The following GREM2 variants were observed in gnomAD, a reference collection of about 807,000 sequenced individuals.
GREM2 encodes the protein gremlin-2.
In GREM2, 11 loss-of-function variants were observed where a neutral mutation model predicts 14.2. The observed-to-expected ratio is 0.78, with a 90% CI of 0.49 to 1.28. The LOEUF (loss-of-function observed/expected upper bound fraction) is 1.28. Ranked by LOEUF, GREM2 falls within the 50% of genes most tolerant of loss-of-function variation. GREM2 has a pLI of 0.00. For missense variants in GREM2, 210 were observed against 218.5 expected (o/e 0.96, Z 0.24); for synonymous variants, 98 against 97.6 (o/e 1.00, Z -0.02).
chr1:240,493,083 G>C lies in GREM2; in HGVS notation c.393C>G (p.Val131=), dbSNP rs1677301876. ...GGCCGGGGCACTCGAGCTCCACGAG[G>C]ACGGAGGTGACGCGCTGGGGCTTGC... ...AFCKPQRVTS[V]LVELECPGLD... Residue 131 remains valine, a synonymous_variant, in exon 2 of 2, where the codon GTC becomes GTG. Transcript: ENST00000318160. 1 of 1,613,834 alleles carries C rather than the reference G, an allele frequency of 6.2e-7. No homozygotes were observed. Among genetic ancestry groups the C allele is most frequent in the Non-Finnish European group, 8.5e-7 (1 of 1,179,726 alleles).
intron 1 of GREM2, among the ~76,000 whole-genome samples, chr1:240,529,189 A>T (rs1323183513): frequency 6.6e-6 from 1 of 151,668 alleles, no homozygotes; most frequent in Non-Finnish European, 1.5e-5. Context: ...TGATGTCATT[A>T]AAATCCATCT....
chr1:240,593,001 C>T (rs932889436), intron 1 of GREM2, among the ~76,000 whole-genome samples: 5 of 150,810 alleles, frequency 3.3e-5, no homozygotes, highest in South Asian at 2.1e-4. Flanking sequence ...AAAAATTAGC[C>T]GGCATGGTAG....
intron 1 of GREM2, among the ~76,000 whole-genome samples, chr1:240,500,475 T>G (rs1374846858): frequency 6.6e-6 from 1 of 151,968 alleles, no homozygotes. Flanking sequence ...ATTTTTTTTT[T>G]TGTATTTTTA....
chr1:240,580,714 A>G (rs751474053), intron 1 of GREM2, among the ~76,000 whole-genome samples: 3 of 152,154 alleles, frequency 2.0e-5, no homozygotes, highest in Non-Finnish European at 4.4e-5. Flanking sequence ...AGCCAAGACT[A>G]CAGGTGGGCC....
intron 1 of GREM2, among the ~76,000 whole-genome samples, chr1:240,541,884 AG>A (rs1678597534): frequency 6.6e-6 from 1 of 152,206 alleles, no homozygotes; most frequent in Non-Finnish European, 1.5e-5. Context: ...CAGAGAATCC[AG>A]AATGGCAGTG....
At chr1:240,514,852 TCTC>T in intron 1 of GREM2, among the ~76,000 whole-genome samples, 1 of 152,090 alleles carries the variant, frequency 6.6e-6, no homozygotes, top group Non-Finnish European at 1.5e-5. Context: ...ATGAGCTCAA[TCTC>T]CTCTGCACTC....
chr1:240,574,535 GT>G (rs1679322567), intron 1 of GREM2, among the ~76,000 whole-genome samples: 1 of 152,132 alleles, frequency 6.6e-6, no homozygotes, highest in Non-Finnish European at 1.5e-5. Flanking sequence ...AAGGAGAAAT[GT>G]TTGCAGAAAA....
rs373843795 is a variant in GREM2, at chr1:240,503,269, G to A, written c.-1-9793C>T. 5.3e-5 allele frequency among the ~76,000 whole-genome samples: 8 copies of A among 152,214 alleles called. No homozygotes were observed. In the East Asian group the frequency reaches 7.7e-4, roughly 15 times the overall value. On this transcript the variant is annotated intron_variant, in intron 1 of 1. Transcript: ENST00000318160. ...GGAGAGTATCCCAGTTTATCTTCCC[G>A]TATATTAAGTCCATCAACAAGACCT...
chr1:240,529,128 T>C (rs1572384102), intron 1 of GREM2, among the ~76,000 whole-genome samples: 1 of 152,028 alleles, frequency 6.6e-6, no homozygotes, highest in South Asian at 2.1e-4. Context: ...CAGGATTTCC[T>C]GGTGAGGCTG....
chr1:240,506,862 A>G (rs1677685713), intron 1 of GREM2, among the ~76,000 whole-genome samples: 1 of 152,172 alleles, frequency 6.6e-6, no homozygotes, highest in Non-Finnish European at 1.5e-5. Context: ...GTAAGCCATG[A>G]AAGACAATGT....
chr1:240,579,740 C>A, intron 1 of GREM2, among the ~76,000 whole-genome samples: 1 of 152,296 alleles, frequency 6.6e-6, no homozygotes, highest in South Asian at 2.1e-4. Context: ...TTCATCAGAG[C>A]TTGAAGGCGT....
intron 1 of GREM2, among the ~76,000 whole-genome samples, chr1:240,575,623 C>A (rs1252026581): frequency 6.6e-6 from 1 of 151,626 alleles, no homozygotes; most frequent in African/African-American, 2.4e-5. Flanking sequence ...CGGGTTCAAG[C>A]GATTCTCCTG....
chr1:240,525,230 C>T (rs1004314335), intron 1 of GREM2, among the ~76,000 whole-genome samples: 1 of 152,084 alleles, frequency 6.6e-6, no homozygotes, highest in Non-Finnish European at 1.5e-5. Context: ...GAGCTGTGTC[C>T]AGTGCTGTGT....
At chr1:240,509,686 C>A (rs554614405) in intron 1 of GREM2, among the ~76,000 whole-genome samples, 20 of 152,162 alleles carry the variant, frequency 1.3e-4, no homozygotes, top group East Asian at 7.7e-4. Context: ...ACTCTTATGA[C>A]CTCCCTGCCC....
intron 1 of GREM2, among the ~76,000 whole-genome samples, chr1:240,570,345 C>T (rs531269534): frequency 6.6e-6 from 1 of 152,150 alleles, no homozygotes. Context: ...GCCTGTAGTC[C>T]CAGCTACTCG....
At position 240,492,848 on chromosome 1, in the gene GREM2, TTGC is replaced by T; in HGVS notation, c.*118_*120del. On this transcript the variant is annotated 3_prime_UTR_variant, in exon 2 of 2. Coordinates refer to ENST00000318160, the MANE Select transcript of GREM2 (RefSeq NM_022469.4). ...ACACCGTCAGCCCTAAGAGAAGTGC[TTGC>T]TGCTGAGGGGGAACACCAGGCAGCG... The T allele has an allele frequency of 9.9e-7, 1 of 1,015,062 alleles. No homozygotes were observed. The highest frequency in any genetic ancestry group is 1.3e-6 in the Non-Finnish European group (1 of 777,278). The allele number at this position is 1,015,062 out of a possible 1,614,324, so 62.9% of individuals were successfully genotyped here. A position where few individuals can be genotyped will look rare whatever the true frequency, so the allele number is the denominator to read the frequency against.
intron 1 of GREM2, among the ~76,000 whole-genome samples, chr1:240,578,499 T>C (rs772727651): frequency 9.9e-5 from 15 of 151,932 alleles, no homozygotes; most frequent in Non-Finnish European, 1.8e-4. Context: ...AAAACATGGG[T>C]ATAGGCTGGG....
intron 1 of GREM2, among the ~76,000 whole-genome samples, chr1:240,606,866 C>T (rs529795558): frequency 2.0e-4 from 31 of 151,814 alleles, no homozygotes; most frequent in African/African-American, 5.3e-4. Context: ...TTAGTAGAGA[C>T]GGGATTTCAC....
chr1:240,574,681 G>A (rs1191256537), intron 1 of GREM2, among the ~76,000 whole-genome samples: 1 of 151,880 alleles, frequency 6.6e-6, no homozygotes, highest in Non-Finnish European at 1.5e-5. Flanking sequence ...TGGAAGAAGA[G>A]GGCAAAAATG....
Sources: allele counts gnomAD v4.1 joint callset (sites outside exome capture counted in the v4.1 genomes callset), GRCh38; gene constraint gnomAD v4.1.1; transcripts MANE v1.5; gene names NCBI Gene and HGNC (gene_info 2026-07-23, HGNC 2026-07-21).